ACER3: variants seen among roughly 807,000 people sequenced by gnomAD.
The protein encoded by ACER3 is alkCDase 3.
A neutral mutation model predicts 48.9 loss-of-function variants in ACER3; 16 were observed. That is an observed-to-expected ratio of 0.33 (90% CI 0.22 to 0.50). ACER3 has a LOEUF of 0.50. ACER3 is among the 20% of genes least tolerant of loss of function. The probability of loss-of-function intolerance (pLI) is 0.98; values close to 1 mark genes in which losing one functional copy is unlikely to be tolerated. For synonymous variants in ACER3, 109 were observed against 107.8 expected, an observed-to-expected ratio of 1.01 and a Z score of -0.07; for missense variants, 227 against 326.0, an observed-to-expected ratio of 0.70 and a Z score of 2.34.
At chr11:76,963,865 C>A (rs1217952246) in intron 3 of ACER3, among the ~76,000 whole-genome samples, 1 of 151,418 alleles carries the variant, frequency 6.6e-6, no homozygotes, top group Non-Finnish European at 1.5e-5. Flanking sequence ...GGAACAGCTC[C>A]AGTCTACAAC....
intron 1 of ACER3, among the ~76,000 whole-genome samples, chr11:76,862,699 A>G (rs544425160): frequency 2.0e-5 from 3 of 152,300 alleles, no homozygotes; most frequent in African/African-American, 7.2e-5. Context: ...GGCAGAAACT[A>G]ACTGTAATGG....
intron 1 of ACER3, among the ~76,000 whole-genome samples, chr11:76,918,267 T>A (rs75437933): frequency 9.9e-5 from 15 of 152,122 alleles, no homozygotes; most frequent in African/African-American, 3.4e-4. Context: ...CTGTTTTTTT[T>A]TTCTTCTGAT....
chr11:76,998,501 T>C, intron 6 of ACER3: 1 of 369,286 alleles, frequency 2.7e-6, no homozygotes, highest in Non-Finnish European at 4.8e-6. Context: ...ATATTTAAAA[T>C]TTCAAGGATC....
chr11:76,906,824 G>A (rs1238922402), intron 1 of ACER3, among the ~76,000 whole-genome samples: 1 of 152,118 alleles, frequency 6.6e-6, no homozygotes, highest in Non-Finnish European at 1.5e-5. Flanking sequence ...GCCTCCCAAA[G>A]TGTTGAGATT....
chr11:76,941,051 A>G (rs1054273550), intron 2 of ACER3, among the ~76,000 whole-genome samples: 13 of 151,200 alleles, frequency 8.6e-5, no homozygotes, highest in Non-Finnish European at 1.8e-4. Context: ...GCACACACAC[A>G]CGCACACAGA....
chr11:76,942,428 T>G (rs888533726), intron 2 of ACER3, among the ~76,000 whole-genome samples: 7 of 152,098 alleles, frequency 4.6e-5, no homozygotes, highest in African/African-American at 1.7e-4. Flanking sequence ...ATCATATGGT[T>G]TTTGTTCTTC....
intron 2 of ACER3, among the ~76,000 whole-genome samples, chr11:76,938,585 T>C (rs1253127869): frequency 1.3e-5 from 2 of 152,164 alleles, no homozygotes; most frequent in Admixed American, 1.3e-4. Context: ...TCCCAATGTG[T>C]TCAGATTACA....
chr11:76,969,177 A>G (rs1948224590), intron 3 of ACER3, among the ~76,000 whole-genome samples: 1 of 152,232 alleles, frequency 6.6e-6, no homozygotes, highest in Admixed American at 6.5e-5. Context: ...TATGCAGCCA[A>G]AAAAACACAT....
At chr11:76,892,478 A>G (rs1945829944) in intron 1 of ACER3, among the ~76,000 whole-genome samples, 2 of 152,210 alleles carry the variant, frequency 1.3e-5, no homozygotes, top group South Asian at 4.1e-4. Flanking sequence ...GTTGGATCAC[A>G]GAGAAACCTC....
intron 1 of ACER3, among the ~76,000 whole-genome samples, chr11:76,883,438 C>CTTTTTTTTTTTTTTT (rs60656670): frequency 2.0e-5 from 2 of 98,936 alleles, no homozygotes; most frequent in Non-Finnish European, 3.8e-5. Flanking sequence ...GATTTTCTTG[C>CTTTTTTTTTTTTTTT]TTTTTTTTTT....
chr11:76,881,036 G>A (rs1186866248), intron 1 of ACER3, among the ~76,000 whole-genome samples: 1 of 151,946 alleles, frequency 6.6e-6, no homozygotes, highest in Non-Finnish European at 1.5e-5. Flanking sequence ...TAGGCGGATT[G>A]TTTGAGCCCA....
In ACER3 at chr11:77,016,783, G is replaced by A. The variant is rs782389315; in HGVS notation, c.704+4G>A. Reference sequence around the variant, plus strand: ...CCTATCTTCACATCCTTTTCAGGTAGGAAATAGAGACTTTTTTAGCCTCGT... The same window carrying A: ...CCTATCTTCACATCCTTTTCAGGTAAGAAATAGAGACTTTTTTAGCCTCGT... On this transcript the variant is annotated splice_donor_region_variant and intron_variant, in intron 9 of 10. Transcript: ENST00000532485. 2 of 1,524,538 alleles carry A rather than the reference G, an allele frequency of 1.3e-6. No individual in the cohort carries two copies. Among genetic ancestry groups the A allele is most frequent in the East Asian group, 2.3e-5 (1 of 43,280 alleles). 94.4% of individuals were successfully genotyped at this position (1,524,538 alleles called of 1,614,324 possible). A position where few individuals can be genotyped will look rare whatever the true frequency, so the allele number is the denominator to read the frequency against.
intron 1 of ACER3, among the ~76,000 whole-genome samples, chr11:76,895,077 G>T (rs1316649830): frequency 6.6e-6 from 1 of 152,108 alleles, no homozygotes; most frequent in Non-Finnish European, 1.5e-5. Context: ...ATAGCCTAGT[G>T]TATAATGTGG....
intron 7 of ACER3, among the ~76,000 whole-genome samples, chr11:77,002,474 A>G (rs1374429282): frequency 6.6e-6 from 1 of 151,984 alleles, no homozygotes; most frequent in African/African-American, 2.4e-5. Context: ...AATTCTTTTT[A>G]TATATTCTGA....
At chr11:76,961,612 G>T (rs1448427105) in intron 3 of ACER3, among the ~76,000 whole-genome samples, 1 of 150,600 alleles carries the variant, frequency 6.6e-6, no homozygotes, top group Admixed American at 6.6e-5. Context: ...AAATGGAAAG[G>T]CTCAAAAAAT....
intron 6 of ACER3, among the ~76,000 whole-genome samples, chr11:76,992,886 T>C (rs538849): frequency 1.4e-5 from 2 of 142,278 alleles, no homozygotes; most frequent in Admixed American, 1.4e-4. Context: ...TTTTTTTTTT[T>C]GAAATAGAGC....
chr11:76,882,097 C>T (rs1192477214), intron 1 of ACER3, among the ~76,000 whole-genome samples: 1 of 150,950 alleles, frequency 6.6e-6, no homozygotes, highest in Non-Finnish European at 1.5e-5. Context: ...CTCCACCTCC[C>T]GAGTTCATGC....
chr11:76,916,693 T>A (rs991603366), intron 1 of ACER3, among the ~76,000 whole-genome samples: 1 of 152,238 alleles, frequency 6.6e-6, no homozygotes, highest in Non-Finnish European at 1.5e-5. Context: ...GTCATTTCAA[T>A]AATGCCTCTT....
chr11:77,001,313 T>A (rs782008253), intron 7 of ACER3, among the ~76,000 whole-genome samples: 44 of 152,210 alleles, frequency 2.9e-4, no homozygotes, highest in Non-Finnish European at 4.4e-4. Flanking sequence ...TGGAGTGCGA[T>A]GGCATGATCT....
Sources: allele counts gnomAD v4.1 joint callset (sites outside exome capture counted in the v4.1 genomes callset), GRCh38; gene constraint gnomAD v4.1.1; transcripts MANE v1.5; gene names NCBI Gene and HGNC (gene_info 2026-07-23, HGNC 2026-07-21).